NFIB: variants seen among roughly 807,000 people sequenced by gnomAD.
NFIB encodes the protein nuclear factor I B.
Under a neutral mutation model 61.5 loss-of-function variants are expected in NFIB, and 11 were observed. That is an observed-to-expected ratio of 0.18 (90% CI 0.11 to 0.30). The LOEUF (loss-of-function observed/expected upper bound fraction) is 0.30, where lower values mean the gene tolerates loss of function less well. Among genes scored for constraint, NFIB ranks in the 10% least tolerant of loss-of-function variants. The probability of loss-of-function intolerance (pLI) is 1.00; values close to 1 mark genes in which losing one functional copy is unlikely to be tolerated. For synonymous variants in NFIB, 260 were observed against 216.5 expected, an observed-to-expected ratio of 1.20 and a Z score of -1.76; for missense variants, 471 against 608.9, an observed-to-expected ratio of 0.77 and a Z score of 2.38.
At chr9:14,090,490 A>C (rs1250005172) in intron 10 of NFIB, among the ~76,000 whole-genome samples, 2 of 152,118 alleles carry the variant, frequency 1.3e-5, no homozygotes, top group Non-Finnish European at 2.9e-5. Flanking sequence ...CTTCATAAAT[A>C]TCTCTATCTG....
At chr9:14,469,356 A>G in the NFIB span, among the ~76,000 whole-genome samples, 2 of 152,182 alleles carry the variant, frequency 1.3e-5, no homozygotes, top group South Asian at 4.1e-4. Context: ...AGAAGTGCCC[A>G]CACACTTGTT....
intron 1 of NFIB, chr9:14,357,047 G>A (rs1418711515): frequency 6.6e-6 from 1 of 152,188 alleles, no homozygotes; most frequent in South Asian, 2.1e-4. Context: ...TGCACACTGT[G>A]CAAAATCCCT....
chr9:14,284,006 AAAAAATAGTT>A (rs562622681), intron 2 of NFIB, among the ~76,000 whole-genome samples: 44 of 152,258 alleles, frequency 2.9e-4, no homozygotes, highest in African/African-American at 9.9e-4. Flanking sequence ...ACCCTTTTTT[AAAAAATAGTT>A]TTACTGGAGA....
At chr9:14,244,674 C>A (rs1164809089) in intron 2 of NFIB, among the ~76,000 whole-genome samples, 3 of 152,130 alleles carry the variant, frequency 2.0e-5, no homozygotes, top group Non-Finnish European at 2.9e-5. Context: ...ACTGACCTCT[C>A]TGAATTTGAA....
At chr9:14,241,832 CAAAG>C (rs1487444398) in intron 2 of NFIB, among the ~76,000 whole-genome samples, 1 of 152,096 alleles carries the variant, frequency 6.6e-6, no homozygotes, top group African/African-American at 2.4e-5. Context: ...GACACAGAAT[CAAAG>C]AAAGCCAATT....
At chr9:14,205,988 T>C (rs868448721) in intron 2 of NFIB, among the ~76,000 whole-genome samples, 5 of 152,062 alleles carry the variant, frequency 3.3e-5, no homozygotes, top group African/African-American at 1.2e-4. Context: ...CAGAATAATT[T>C]CTCAGCATTA....
At chr9:14,371,981 C>G (rs999088166) in intron 1 of NFIB, among the ~76,000 whole-genome samples, 2 of 152,104 alleles carry the variant, frequency 1.3e-5, no homozygotes, top group African/African-American at 4.8e-5. Context: ...TGGGGAGGTC[C>G]AAGAACTCTT....
the NFIB span, among the ~76,000 whole-genome samples, chr9:14,450,277 G>A: frequency 3.3e-5 from 5 of 152,052 alleles, no homozygotes; most frequent in Admixed American, 3.3e-4. Context: ...TCTCATTAAA[G>A]TCCTCTGTAT....
intron 2 of NFIB, among the ~76,000 whole-genome samples, chr9:14,274,370 G>A (rs376386991): frequency 7.9e-5 from 12 of 151,944 alleles, no homozygotes; most frequent in African/African-American, 2.7e-4. Context: ...GGCGGCAGCC[G>A]TGCCAAAATT....
intron 4 of NFIB, among the ~76,000 whole-genome samples, chr9:14,150,582 C>A (rs187693403): frequency 6.3e-4 from 96 of 152,120 alleles, no homozygotes; most frequent in African/African-American, 2.1e-3. Context: ...GTTAAAAATG[C>A]CTTGGAGGAA....
chr9:14,158,040 G>A (rs1379203796), intron 3 of NFIB, among the ~76,000 whole-genome samples: 1 of 151,258 alleles, frequency 6.6e-6, no homozygotes, highest in Admixed American at 6.6e-5. Flanking sequence ...GAACCCGGAA[G>A]GCAGAGGTTG....
the NFIB span, among the ~76,000 whole-genome samples, chr9:14,460,357 G>A: frequency 2.9e-4 from 43 of 150,682 alleles, no homozygotes; most frequent in Admixed American, 2.8e-3. Flanking sequence ...ATCACAACCC[G>A]GGGCCTGTTG....
intron 1 of NFIB, among the ~76,000 whole-genome samples, chr9:14,365,017 T>C (rs1241658103): frequency 6.6e-6 from 1 of 152,234 alleles, no homozygotes; most frequent in Non-Finnish European, 1.5e-5. Flanking sequence ...CGTTAATTTC[T>C]CATTTTCATT....
intron 2 of NFIB, among the ~76,000 whole-genome samples, chr9:14,280,734 T>C (rs769918373): frequency 6.6e-6 from 1 of 152,112 alleles, no homozygotes; most frequent in African/African-American, 2.4e-5. Flanking sequence ...CCTTGGAGGA[T>C]GCACCTATTT....
At chr9:14,264,464 G>C (rs554559833) in intron 2 of NFIB, among the ~76,000 whole-genome samples, 1 of 152,040 alleles carries the variant, frequency 6.6e-6, no homozygotes, top group South Asian at 2.1e-4. Context: ...GAAACCAAAG[G>C]AACCCCTACT....
intron 2 of NFIB, among the ~76,000 whole-genome samples, chr9:14,202,400 G>A (rs760701412): frequency 3.9e-5 from 6 of 152,160 alleles, no homozygotes; most frequent in African/African-American, 9.7e-5. Flanking sequence ...GATGAAAGGG[G>A]TCTACTGACT....
the NFIB span, among the ~76,000 whole-genome samples, chr9:14,471,321 G>A: frequency 6.6e-6 from 1 of 152,180 alleles, no homozygotes; most frequent in African/African-American, 2.4e-5. Context: ...TCCCCCCTGA[G>A]GTCAGGCACC....
At chr9:14,425,607 ATTTTTTTTTTTTTTT>A in the NFIB span, among the ~76,000 whole-genome samples, 3 of 99,052 alleles carry the variant, frequency 3.0e-5, no homozygotes, top group Admixed American at 2.3e-4. Flanking sequence ...TTGCTACATA[ATTTTTTTTTTTTTTT>A]TTTTTTTTTG....
intron 1 of NFIB, chr9:14,361,613 C>A (rs530878389): frequency 8.5e-5 from 13 of 152,306 alleles, no homozygotes; most frequent in African/African-American, 3.1e-4. Context: ...TTCAAGTCTA[C>A]TCTCTTTGTA....
Sources: gnomAD v4.1 joint callset for allele counts (sites outside exome capture counted in the v4.1 genomes callset) on GRCh38, gnomAD v4.1.1 for gene constraint, MANE v1.5 for transcripts, NCBI Gene and HGNC (gene_info 2026-07-23, HGNC 2026-07-21) for gene names.